RERE: variants seen among roughly 807,000 people sequenced by gnomAD.
The protein encoded by RERE is arginine-glutamic acid dipeptide repeats, also known as arginine-glutamic acid dipeptide repeats protein.
RERE carries 40 observed loss-of-function variants against 146.1 expected under a neutral mutation model. The observed-to-expected ratio is 0.27, with a 90% CI of 0.21 to 0.36. The LOEUF (loss-of-function observed/expected upper bound fraction) is 0.36, where lower values mean the gene tolerates loss of function less well. Among genes scored for constraint, RERE ranks in the 10% least tolerant of loss-of-function variants. The pLI, the probability that RERE is intolerant of heterozygous loss-of-function variation, is 1.00. For synonymous variants in RERE, 1,003 were observed against 866.0 expected (o/e 1.16, Z -2.78); for missense variants, 1,933 against 2,138.7 (o/e 0.90, Z 1.90).
chr1:8,366,916 C>CAAAAAAAAAAAAAAAAAAAA (rs5772317), intron 12 of RERE, among the ~76,000 whole-genome samples: 2 of 107,678 alleles, frequency 1.9e-5, no homozygotes, highest in Admixed American at 1.0e-4. Context: ...AAAAAAAAAA[C>CAAAAAAAAAAAAAAAAAAAA]AAAAAAAAAA....
At chr1:8,633,070 A>G (rs1244332093) in intron 2 of RERE, among the ~76,000 whole-genome samples, 1 of 152,214 alleles carries the variant, frequency 6.6e-6, no homozygotes, top group Non-Finnish European at 1.5e-5. Context: ...AACAAGGCAC[A>G]TGGCATATAT....
At chr1:8,797,320 G>A (rs1569818557) in intron 1 of RERE, among the ~76,000 whole-genome samples, 1 of 151,792 alleles carries the variant, frequency 6.6e-6, no homozygotes, top group African/African-American at 2.4e-5. Context: ...GGAGGCTGCA[G>A]TGAGCTAAGA....
intron 4 of RERE, among the ~76,000 whole-genome samples, chr1:8,593,677 A>T (rs1271973050): frequency 6.6e-6 from 1 of 152,220 alleles, no homozygotes; most frequent in Non-Finnish European, 1.5e-5. Context: ...GTGTCCCCCA[A>T]TCCACTGCAG....
chr1:8,531,242 A>C (rs1279865280), intron 7 of RERE, among the ~76,000 whole-genome samples: 2 of 152,090 alleles, frequency 1.3e-5, no homozygotes, highest in Non-Finnish European at 2.9e-5. Flanking sequence ...CAGGAGTTTG[A>C]GACCAGCCTG....
chr1:8,730,404 G>C (rs756539437), intron 1 of RERE, among the ~76,000 whole-genome samples: 2 of 152,074 alleles, frequency 1.3e-5, no homozygotes, highest in East Asian at 3.9e-4. Flanking sequence ...GTGCAGTGGC[G>C]CGATCTCGGC....
chr1:8,633,470 CACACACAA>C (rs1279000600), intron 2 of RERE, among the ~76,000 whole-genome samples: 2 of 152,106 alleles, frequency 1.3e-5, no homozygotes, highest in East Asian at 3.9e-4. Flanking sequence ...CACACACACA[CACACACAA>C]AAATGTACTT....
chr1:8,770,801 T>C (rs1447280040), intron 1 of RERE, among the ~76,000 whole-genome samples: 1 of 152,234 alleles, frequency 6.6e-6, no homozygotes, highest in East Asian at 1.9e-4. Context: ...GTAAAAATAT[T>C]CACAGGTTTA....
At chr1:8,370,037 G>A (rs1468503135) in intron 12 of RERE, among the ~76,000 whole-genome samples, 1 of 151,996 alleles carries the variant, frequency 6.6e-6, no homozygotes, top group African/African-American at 2.4e-5. Context: ...TTATTTGCCT[G>A]CCTCGGCCTC....
chr1:8,367,930 G>A (rs76283944), intron 12 of RERE, among the ~76,000 whole-genome samples: 5,038 of 152,294 alleles, frequency 0.033, 287 homozygotes, highest in African/African-American at 0.11. Context: ...CAAGATCACT[G>A]CTGACATAAA....
rs115259297 is a variant in RERE, at chr1:8,646,160, T to C, written c.325+9813A>G. Among the ~76,000 whole-genome samples the C allele has an allele frequency of 1.2e-3, 178 of 151,584 alleles. 1 individual carries two copies. Among genetic ancestry groups the C allele is most frequent in the African/African-American group, 4.1e-3 (169 of 41,266 alleles). ...TAACAACAAAGCTCTTCCTGCCTGT[T>C]ACAGGATGAGTTTGTCCTTCCCAAA... On this transcript the variant is annotated intron_variant, in intron 2 of 22. Transcript: ENST00000400908.
chr1:8,391,199 C>T (rs1279299344), intron 12 of RERE, among the ~76,000 whole-genome samples: 1 of 152,244 alleles, frequency 6.6e-6, no homozygotes, highest in African/African-American at 2.4e-5. Context: ...AGGTGTTCAA[C>T]AGCATGGACT....
chr1:8,399,661 A>C (rs1643178789), intron 12 of RERE, among the ~76,000 whole-genome samples: 1 of 152,154 alleles, frequency 6.6e-6, no homozygotes, highest in Non-Finnish European at 1.5e-5. Context: ...AATCCTGTTA[A>C]AGTTTTGATT....
In RERE at chr1:8,352,904, CTCT is replaced by C. The variant is rs1641151258; in HGVS notation, c.*2180_*2182del. 2 of 152,610 alleles carry C rather than the reference CTCT, an allele frequency of 1.3e-5. No homozygotes were observed. Among genetic ancestry groups the C allele is most frequent in the East Asian group, 1.9e-4 (1 of 5,192 alleles). The allele number at this position is 152,610 out of a possible 1,614,324, so 9.5% of individuals were successfully genotyped here. ...CAAGCACAGACCTCAGAGGACTCGA[CTCT>C]TCTTTGGAAAAATGGATGCCAAAGG... is the stretch of plus-strand genomic sequence containing the variant. On this transcript the variant is annotated 3_prime_UTR_variant, in exon 23 of 23. Coordinates refer to ENST00000400908, the MANE Select transcript of RERE (RefSeq NM_001042681.2).
At chr1:8,704,938 G>A (rs949260928) in intron 1 of RERE, among the ~76,000 whole-genome samples, 3 of 152,158 alleles carry the variant, frequency 2.0e-5, no homozygotes, top group African/African-American at 7.2e-5. Flanking sequence ...TCCTGAGGGG[G>A]ACCTGTGACT....
At chr1:8,813,258 C>T (rs1207488829) in intron 1 of RERE, among the ~76,000 whole-genome samples, 2 of 152,172 alleles carry the variant, frequency 1.3e-5, no homozygotes, top group Admixed American at 1.3e-4. Context: ...CTAGGTTACA[C>T]TAATGACTCA....
chr1:8,766,893 A>AT (rs1224320683), intron 1 of RERE, among the ~76,000 whole-genome samples: 2 of 152,174 alleles, frequency 1.3e-5, no homozygotes, highest in Non-Finnish European at 2.9e-5. Context: ...CATTTATCTA[A>AT]TTTTAAAATG....
chr1:8,359,110 T>G (rs1641441907), intron 19 of RERE, among the ~76,000 whole-genome samples, 194 bp from the exon 20 acceptor site: 1 of 152,108 alleles, frequency 6.6e-6, no homozygotes, highest in Non-Finnish European at 1.5e-5. Flanking sequence ...GGCTCACCTG[T>G]GCCCGCAGCT....
chr1:8,762,378 G>A (rs551842519), intron 1 of RERE, among the ~76,000 whole-genome samples: 58 of 152,246 alleles, frequency 3.8e-4, no homozygotes, highest in African/African-American at 1.1e-3. Context: ...TTTGACAAAT[G>A]AATGAAAAAA....
intron 1 of RERE, among the ~76,000 whole-genome samples, chr1:8,771,499 G>A (rs1212692369): frequency 2.7e-5 from 4 of 147,638 alleles, no homozygotes; most frequent in African/African-American, 7.6e-5. Context: ...ACTCCAGCCT[G>A]GGTGACAGAG....
Sources: gnomAD v4.1 joint callset for allele counts (sites outside exome capture counted in the v4.1 genomes callset) on GRCh38, gnomAD v4.1.1 for gene constraint, MANE v1.5 for transcripts, NCBI Gene and HGNC (gene_info 2026-07-23, HGNC 2026-07-21) for gene names.